The following NXPE2 variants were observed in gnomAD, a reference collection of about 807,000 sequenced individuals.
NXPE2 encodes the protein neurexophilin and PC-esterase domain family member 2, also known as NXPE family member 2.
A neutral mutation model predicts 34.4 loss-of-function variants in NXPE2; 34 were observed. The observed-to-expected ratio is 0.99, with a 90% confidence interval of 0.75 to 1.31. NXPE2 has a LOEUF of 1.31. NXPE2 is among the 40% of genes most tolerant of loss of function. The pLI is 0.00. For missense variants in NXPE2, 649 were observed against 672.5 expected (o/e 0.97, Z 0.39); for synonymous variants, 235 against 231.3 (o/e 1.02, Z -0.15).
the NXPE2 span, among the ~76,000 whole-genome samples, chr11:114,619,419 C>T: frequency 2.0e-5 from 3 of 151,670 alleles, no homozygotes; most frequent in Admixed American, 6.6e-5. Flanking sequence ...AGTGTTGCCT[C>T]GTGGGTAACC....
the NXPE2 span, among the ~76,000 whole-genome samples, chr11:114,544,593 C>A: frequency 5.9e-5 from 9 of 152,004 alleles, no homozygotes; most frequent in Non-Finnish European, 1.3e-4. Flanking sequence ...GGATGACAGA[C>A]CTAAATAAAT....
chr11:114,625,680 G>T, the NXPE2 span, among the ~76,000 whole-genome samples: 4 of 152,152 alleles, frequency 2.6e-5, no homozygotes, highest in African/African-American at 9.7e-5. Flanking sequence ...AGCCAAGATG[G>T]CCGAGTAGGA....
the NXPE2 span, chr11:114,582,244 T>A: frequency 6.6e-7 from 1 of 1,523,324 alleles, no homozygotes; most frequent in Non-Finnish European, 8.8e-7. Context: ...ATAGGCCAAA[T>A]CACAATATTT....
the NXPE2 span, among the ~76,000 whole-genome samples, chr11:114,589,604 T>C: frequency 7.2e-5 from 11 of 152,282 alleles, no homozygotes; most frequent in African/African-American, 2.2e-4. Context: ...CAGGAAAAAC[T>C]CTTTTTCTCC....
At chr11:114,511,962 C>A in the NXPE2 span, among the ~76,000 whole-genome samples, 2 of 152,260 alleles carry the variant, frequency 1.3e-5, no homozygotes, top group South Asian at 4.1e-4. Flanking sequence ...GAACCTCTTT[C>A]CTTTACAAAT....
At chr11:114,758,375 A>G in the NXPE2 span, among the ~76,000 whole-genome samples, 1 of 152,210 alleles carries the variant, frequency 6.6e-6, no homozygotes, top group Non-Finnish European at 1.5e-5. Flanking sequence ...TCAAATGTTC[A>G]TTCGCTTCTC....
chr11:114,805,419 A>C, the NXPE2 span, among the ~76,000 whole-genome samples: 1 of 152,322 alleles, frequency 6.6e-6, no homozygotes, highest in South Asian at 2.1e-4. Flanking sequence ...ACAAGGGGTC[A>C]GGGAATTCCC....
At chr11:114,685,893 T>A (rs971312987) in intron 2 of NXPE2, among the ~76,000 whole-genome samples, 3 of 152,070 alleles carry the variant, frequency 2.0e-5, no homozygotes, top group Non-Finnish European at 4.4e-5. Flanking sequence ...AAATAACAGA[T>A]ACATGTTTGC....
chr11:114,488,225 A>G, the NXPE2 span, among the ~76,000 whole-genome samples: 5 of 152,178 alleles, frequency 3.3e-5, no homozygotes, highest in Admixed American at 2.0e-4. Flanking sequence ...ATGACTTAAT[A>G]TTGGGAGGTT....
At chr11:114,806,911 G>A in the NXPE2 span, among the ~76,000 whole-genome samples, 1 of 152,120 alleles carries the variant, frequency 6.6e-6, no homozygotes, top group Non-Finnish European at 1.5e-5. Context: ...AAGTTGAAAT[G>A]AAGGAAAAAA....
the NXPE2 span, among the ~76,000 whole-genome samples, chr11:114,651,383 C>T: frequency 3.3e-5 from 5 of 152,056 alleles, no homozygotes; most frequent in African/African-American, 4.8e-5. Flanking sequence ...TTCGTGGTCT[C>T]GTGGTCTCGC....
chr11:114,617,459 G>A, the NXPE2 span, among the ~76,000 whole-genome samples: 1 of 152,030 alleles, frequency 6.6e-6, no homozygotes, highest in Non-Finnish European at 1.5e-5. Flanking sequence ...GATAACCACT[G>A]TTATCTGCTG....
chr11:114,509,702 T>C, the NXPE2 span, among the ~76,000 whole-genome samples: 1 of 152,052 alleles, frequency 6.6e-6, no homozygotes, highest in Non-Finnish European at 1.5e-5. Flanking sequence ...TTCTCACTTA[T>C]AAGTGGAAGC....
the NXPE2 span, chr11:114,523,083 T>G: frequency 1.9e-6 from 3 of 1,611,780 alleles, no homozygotes; most frequent in Non-Finnish European, 2.5e-6. Flanking sequence ...TCTTCTATTT[T>G]TTCTCTCTCT....
the NXPE2 span, among the ~76,000 whole-genome samples, chr11:114,503,657 A>T: frequency 6.6e-6 from 1 of 152,246 alleles, no homozygotes; most frequent in Non-Finnish European, 1.5e-5. Flanking sequence ...TTAGAAGATA[A>T]ATCCAAGAGA....
At chr11:114,523,090 C>T in the NXPE2 span, 1 of 1,609,196 alleles carries the variant, frequency 6.2e-7, no homozygotes, top group Non-Finnish European at 8.5e-7. Context: ...TTTTTTCTCT[C>T]TCTGGTAACA....
chr11:114,602,213 A>G, the NXPE2 span, among the ~76,000 whole-genome samples: 4 of 107,062 alleles, frequency 3.7e-5, no homozygotes, highest in Admixed American at 1.3e-4. Context: ...ACTATATACA[A>G]TATATGTTAT....
chr11:114,551,457 A>G, the NXPE2 span: 1 of 1,226,924 alleles, frequency 8.2e-7, no homozygotes, highest in Non-Finnish European at 1.0e-6. Context: ...ATGGAAGTCA[A>G]AGTCACCTTA....
At chr11:114,508,056 A>G in the NXPE2 span, among the ~76,000 whole-genome samples, 2 of 152,202 alleles carry the variant, frequency 1.3e-5, no homozygotes, top group East Asian at 1.9e-4. Flanking sequence ...CTCAGGTTAC[A>G]AAATCAATGT....
Sources: allele counts gnomAD v4.1 joint callset (sites outside exome capture counted in the v4.1 genomes callset), GRCh38; gene constraint gnomAD v4.1.1; transcripts MANE v1.5; gene names NCBI Gene and HGNC (gene_info 2026-07-23, HGNC 2026-07-21).